EYS: variants seen among roughly 807,000 people sequenced by gnomAD.
EYS encodes the protein protein eyes shut homolog.
In EYS, 250 loss-of-function variants were observed where a neutral mutation model predicts 282.1. The observed-to-expected ratio is 0.89, with a 90% CI of 0.80 to 0.98. EYS has a LOEUF of 0.98. EYS is among the 50% of genes least tolerant of loss of function. The pLI is 0.00. For synonymous variants in EYS, 1,355 were observed against 1,282.9 expected (o/e 1.06, Z -1.20); for missense variants, 4,016 against 3,709.0 (o/e 1.08, Z -2.15).
chr6:65,339,305 G>A (rs1033176256), intron 10 of EYS, among the ~76,000 whole-genome samples: 10 of 151,022 alleles, frequency 6.6e-5, no homozygotes, highest in Admixed American at 1.3e-4. Context: ...TTTTAATTGC[G>A]AACTTGAACT....
intron 12 of EYS, among the ~76,000 whole-genome samples, chr6:65,236,570 T>C (rs1766930109): frequency 5.3e-5 from 8 of 152,040 alleles, no homozygotes; most frequent in Admixed American, 4.6e-4. Context: ...ATTGCACCAC[T>C]GTACTCCAGC....
At chr6:64,128,014 C>T (rs1773841589) in intron 31 of EYS, among the ~76,000 whole-genome samples, 1 of 151,948 alleles carries the variant, frequency 6.6e-6, no homozygotes, top group South Asian at 2.1e-4. Flanking sequence ...AACATTTTGC[C>T]AATGTCATCT....
intron 35 of EYS, among the ~76,000 whole-genome samples, chr6:63,956,238 A>G (rs560153121): frequency 6.6e-6 from 1 of 152,298 alleles, no homozygotes; most frequent in East Asian, 1.9e-4. Context: ...AGAAGTGAAA[A>G]TGCCTGGTTC....
intron 2 of EYS, among the ~76,000 whole-genome samples, chr6:65,562,618 C>T (rs940365003): frequency 6.6e-6 from 1 of 151,832 alleles, no homozygotes; most frequent in Non-Finnish European, 1.5e-5. Flanking sequence ...GCTCAATTTC[C>T]CAAAATATAT....
chr6:64,133,230 A>G (rs115477244), intron 31 of EYS, among the ~76,000 whole-genome samples: 4,267 of 152,166 alleles, frequency 0.028, 63 homozygotes, highest in Non-Finnish European at 0.045. Flanking sequence ...AAATATTAAA[A>G]ATGCAATCAA....
chr6:65,420,702 G>T (rs757431879), intron 5 of EYS, among the ~76,000 whole-genome samples: 1 of 151,738 alleles, frequency 6.6e-6, no homozygotes, highest in Non-Finnish European at 1.5e-5. Flanking sequence ...CTTACAAAAA[G>T]CATTTCTTAA....
At chr6:65,017,337 T>G (rs1289028107) in intron 13 of EYS, among the ~76,000 whole-genome samples, 1 of 152,214 alleles carries the variant, frequency 6.6e-6, no homozygotes, top group African/African-American at 2.4e-5. Flanking sequence ...ATGAAGTCAG[T>G]TATTTTCATT....
In EYS at chr6:65,602,676, C is replaced by T. The variant is rs138065390; in HGVS notation, c.-333+37102G>A. Among the ~76,000 whole-genome samples the T allele has an allele frequency of 4.6e-3, 697 of 151,954 alleles. 6 individuals carry two copies. The highest frequency in any genetic ancestry group is 7.9e-3 in the Non-Finnish European group (534 of 67,874). ...ACAAAAACTATTTTTGTGACATTTG[C>T]AGTTTGTGGTTAAGCAGGCAGTAAA... On this transcript the variant is annotated intron_variant, in intron 2 of 42. Coordinates refer to ENST00000503581, the MANE Select transcript of EYS (RefSeq NM_001142800.2).
At chr6:64,217,601 T>G (rs754563469) in intron 31 of EYS, among the ~76,000 whole-genome samples, 4 of 152,134 alleles carry the variant, frequency 2.6e-5, no homozygotes, top group Non-Finnish European at 5.9e-5. Context: ...ATTTACATCT[T>G]GATAATAATG....
At chr6:65,297,684 G>A in intron 11 of EYS, among the ~76,000 whole-genome samples, 1 of 151,720 alleles carries the variant, frequency 6.6e-6, no homozygotes, top group Middle Eastern at 3.2e-3. Context: ...TTTTTACTGG[G>A]CAAGTAACTG....
At chr6:63,892,990 C>T (rs890912095) in intron 35 of EYS, among the ~76,000 whole-genome samples, 13 of 152,060 alleles carry the variant, frequency 8.5e-5, no homozygotes, top group Admixed American at 6.6e-5. Flanking sequence ...AAGCTCATCA[C>T]TGGTCATTAA....
intron 16 of EYS, among the ~76,000 whole-genome samples, chr6:64,907,530 G>A (rs143168837): frequency 4.9e-4 from 74 of 152,258 alleles, no homozygotes; most frequent in Non-Finnish European, 9.1e-4. Context: ...TGGTAACCCA[G>A]CTGAGAGGGA....
At chr6:65,006,396 G>A (rs899096064) in intron 13 of EYS, among the ~76,000 whole-genome samples, 1 of 148,866 alleles carries the variant, frequency 6.7e-6, no homozygotes, top group Non-Finnish European at 1.5e-5. Context: ...TGGGCCAAAT[G>A]CATTCAGTCA....
chr6:64,151,172 TA>T (rs1210049536), intron 31 of EYS, among the ~76,000 whole-genome samples: 1 of 151,224 alleles, frequency 6.6e-6, no homozygotes, highest in Non-Finnish European at 1.5e-5. Context: ...CATTATGGTG[TA>T]ATGATATATT....
intron 29 of EYS, among the ~76,000 whole-genome samples, chr6:64,352,388 A>T (rs1033038922): frequency 6.6e-6 from 1 of 151,446 alleles, no homozygotes; most frequent in African/African-American, 2.4e-5. Flanking sequence ...CCAGGCCCTT[A>T]AGTGTTCAAT....
intron 22 of EYS, among the ~76,000 whole-genome samples, chr6:64,770,292 G>T (rs1453063036): frequency 1.3e-5 from 2 of 151,926 alleles, no homozygotes; most frequent in African/African-American, 4.8e-5. Context: ...GGTTTGTAAA[G>T]AAATGAAAAG....
chr6:63,799,468 A>G (rs2149675816), intron 37 of EYS, among the ~76,000 whole-genome samples: 1 of 152,288 alleles, frequency 6.6e-6, no homozygotes, highest in Admixed American at 6.5e-5. Context: ...CGAATCAATC[A>G]ATGCCTACAC....
chr6:65,090,568 T>C (rs1774529753), intron 12 of EYS, among the ~76,000 whole-genome samples: 1 of 152,150 alleles, frequency 6.6e-6, no homozygotes, highest in South Asian at 2.1e-4. Flanking sequence ...CAGAGTACCT[T>C]GCATATAGTA....
At chr6:65,497,241 A>T (rs1043708367) in intron 2 of EYS, among the ~76,000 whole-genome samples, 1 of 152,082 alleles carries the variant, frequency 6.6e-6, no homozygotes, top group Non-Finnish European at 1.5e-5. Context: ...TAGGGTATCA[A>T]TGGAAGGAAT....
Sources: allele counts gnomAD v4.1 joint callset (sites outside exome capture counted in the v4.1 genomes callset), GRCh38; gene constraint gnomAD v4.1.1; transcripts MANE v1.5; gene names NCBI Gene and HGNC (gene_info 2026-07-23, HGNC 2026-07-21).